The following ATM variants were observed in gnomAD, a reference collection of about 807,000 sequenced individuals.
The protein encoded by ATM is ATM serine/threonine kinase.
In ATM, 308 loss-of-function variants were observed where a neutral mutation model predicts 387.0. The observed-to-expected ratio is 0.80, with a 90% CI of 0.73 to 0.87. ATM has a LOEUF of 0.87. Among genes scored for constraint, ATM ranks in the 40% least tolerant of loss-of-function variants. ATM has a pLI of 0.00. For synonymous variants in ATM, 1,156 were observed against 1,187.3 expected (o/e 0.97, Z 0.54); for missense variants, 3,312 against 3,560.9 (o/e 0.93, Z 1.78).
intron 18 of ATM, among the ~76,000 whole-genome samples, chr11:108,270,764 C>T (rs1392045478): frequency 4.6e-5 from 7 of 152,204 alleles, no homozygotes; most frequent in African/African-American, 9.6e-5. Flanking sequence ...GGCGCGATCT[C>T]GGCTCACTGC....
At chr11:108,243,286 G>C (rs896890089) in intron 5 of ATM, among the ~76,000 whole-genome samples, 1 of 151,858 alleles carries the variant, frequency 6.6e-6, no homozygotes, top group African/African-American at 2.4e-5. Context: ...CACATTTTTT[G>C]CATATTATTA....
chr11:108,330,265 T>G lies in ATM; in HGVS notation c.7359T>G (p.Arg2453=), dbSNP rs786201541. The change falls in exon 50 of 63, where the codon CGT becomes CGG. Residue 2453 remains arginine (R), a synonymous_variant. Transcript: ENST00000675843. ...TGGAGTTGGATGAATTAGCCCTGCG[T>G]GCACTGAAAGAGGATCGTAAACGCT... ...RELELDELAL[R]ALKEDRKRFL... 32 of 1,614,090 alleles carry G rather than the reference T, an allele frequency of 2.0e-5. No homozygotes were observed. The highest frequency in any genetic ancestry group is 2.7e-5 in the Non-Finnish European group (32 of 1,180,020).
intron 16 of ATM, among the ~76,000 whole-genome samples, chr11:108,261,512 A>C (rs1419363932): frequency 6.6e-6 from 1 of 152,154 alleles, no homozygotes; most frequent in Non-Finnish European, 1.5e-5. Flanking sequence ...CCAAAAGTAG[A>C]TAAAACCACA....
chr11:108,301,611 T>A, intron 34 of ATM, 37 bp from the exon 35 acceptor site: 1 of 1,612,588 alleles, frequency 6.2e-7, no homozygotes, highest in Non-Finnish European at 8.5e-7. Flanking sequence ...GATTAATAAC[T>A]GGTGTACTTG....
At position 108,267,231 on chromosome 11, in the gene ATM, A is replaced by G. The variant is rs1162447958; in HGVS notation, c.2527A>G (p.Asn843Asp). 7.4e-6 allele frequency: 12 copies of G among 1,613,994 alleles called. No homozygotes were observed. In the Admixed American group the frequency reaches 2.0e-4, roughly 27 times the overall value. ...AGTAGAATCAATGGAAGATGATACT[A>G]ATGGAAATCTAATGGAGGTGGAGGA... Reference protein sequence around the residue: ...GEVESMEDDTNGNLMEVEDQS... With the variant: ...GEVESMEDDTDGNLMEVEDQS... Residue 843 changes from asparagine to aspartate, a missense_variant, in exon 17 of 63, where the codon AAT becomes GAT. Around this residue, in one of 4 missense-constraint regions of ATM, gnomAD observed 1,791 missense variants for 1,804.5 expected, o/e 0.99. Coordinates refer to ENST00000675843, the MANE Select transcript of ATM (RefSeq NM_000051.4).
At chr11:108,360,153 G>C (rs2090541231) in intron 61 of ATM, among the ~76,000 whole-genome samples, 1 of 150,426 alleles carries the variant, frequency 6.6e-6, no homozygotes, top group African/African-American at 2.4e-5. Context: ...TACCATCAGA[G>C]AATACTACAA....
chr11:108,276,469 T>C (rs1316806102), intron 22 of ATM, among the ~76,000 whole-genome samples: 1 of 152,258 alleles, frequency 6.6e-6, no homozygotes, highest in Non-Finnish European at 1.5e-5. Context: ...TCAGCCCTTT[T>C]GCGCTGGTTT....
At position 108,252,372 on chromosome 11, in the gene ATM, T is replaced by A. The variant is rs1204374574; in HGVS notation, c.1802+341T>A. 2.6e-5 allele frequency among the ~76,000 whole-genome samples: 4 copies of A among 152,192 alleles called. No homozygotes were observed. The South Asian group carries it at 8.3e-4, about 32-fold the overall frequency. On this transcript the variant is annotated intron_variant, in intron 11 of 62. Transcript: ENST00000675843. ...CCTGGATCCTTTCTCATAATGGGAG[T>A]GTCTTTTGGGTAAAAGATGTTTTAT...
intron 61 of ATM, among the ~76,000 whole-genome samples, chr11:108,358,215 T>A (rs1447325801): frequency 6.6e-6 from 1 of 150,578 alleles, no homozygotes; most frequent in African/African-American, 2.5e-5. Flanking sequence ...ATGAAATGAA[T>A]GAAATGAAGC....
chr11:108,263,478 T>A, intron 16 of ATM, among the ~76,000 whole-genome samples: 1 of 116,340 alleles, frequency 8.6e-6, no homozygotes, highest in East Asian at 2.4e-4. Flanking sequence ...TGGGACGCAT[T>A]CAAAGCAGTG....
At chr11:108,317,141 G>A (rs1223260862) in intron 42 of ATM, among the ~76,000 whole-genome samples, 1 of 150,654 alleles carries the variant, frequency 6.6e-6, no homozygotes, top group East Asian at 2.0e-4. Flanking sequence ...GTCTTGGTTT[G>A]TTGTCCAGGC....
chr11:108,247,019 A>G lies in ATM; in HGVS notation c.957A>G (p.Leu319=), dbSNP rs1060501542. 6.2e-7 allele frequency: 1 copy of G among 1,613,132 alleles called. No individual in the cohort carries two copies. The highest frequency in any genetic ancestry group is 1.3e-5 in the African/African-American group (1 of 75,030). The change falls in exon 8 of 63, where the codon CTA becomes CTG. Residue 319 remains leucine, a synonymous_variant. Coordinates refer to ENST00000675843, the MANE Select transcript of ATM (RefSeq NM_000051.4). ...RSILYNLYDL[L]VNEISHIGSR... The stretch of plus-strand genomic sequence containing the variant: ...TTTTATACAACTTATATGATCTGCT[A>G]GTGAATGAGATAAGTCATATAGGAA...
At position 108,331,613 on chromosome 11, in the gene ATM, A is replaced by G. The variant is rs778741313; in HGVS notation, c.7629+56A>G. Reference sequence around the variant, plus strand: ...ATTATTTTTATTCTATTATTACTATATATTATATAAAGTATATATACCATT... The same window carrying G: ...ATTATTTTTATTCTATTATTACTATGTATTATATAAAGTATATATACCATT... On this transcript the variant is annotated intron_variant, in intron 51 of 62. Coordinates refer to ENST00000675843, the MANE Select transcript of ATM (RefSeq NM_000051.4). 8 of 1,429,496 alleles carry G rather than the reference A, an allele frequency of 5.6e-6. No homozygotes were observed. The South Asian group carries it at 1.2e-4, about 22-fold the overall frequency. 88.6% of individuals were successfully genotyped at this position (1,429,496 alleles called of 1,614,324 possible).
At chr11:108,300,487 T>C (rs2083368869) in intron 34 of ATM, among the ~76,000 whole-genome samples, 1 of 152,208 alleles carries the variant, frequency 6.6e-6, no homozygotes, top group Non-Finnish European at 1.5e-5. Flanking sequence ...ATCACCACCA[T>C]ATTTGATGGT....
At chr11:108,290,354 G>A (rs898397098) in intron 29 of ATM, 2 of 152,036 alleles carry the variant, frequency 1.3e-5, no homozygotes. Context: ...GGCAAGGTGT[G>A]GTAGCTCACA....
chr11:108,300,878 C>CTTTT (rs11305754), intron 34 of ATM, among the ~76,000 whole-genome samples: 30 of 102,670 alleles, frequency 2.9e-4, no homozygotes, highest in African/African-American at 5.1e-4. Flanking sequence ...TCATCTCTCT[C>CTTTT]TTTTTTTTTT....
chr11:108,335,353 G>GT, intron 55 of ATM: 1 of 1,221,774 alleles, frequency 8.2e-7, no homozygotes, highest in Non-Finnish European at 1.1e-6. Flanking sequence ...AACATGTACA[G>GT]ACATGTACAG....
Position 108,365,693 on chromosome 11 carries a change from A to G in ATM, c.*185A>G. On this transcript the variant is annotated 3_prime_UTR_variant, in exon 63 of 63. Coordinates refer to ENST00000675843, the MANE Select transcript of ATM (RefSeq NM_000051.4). Reference sequence around the variant, plus strand: ...AAAAATGTTTTGATGGTCTTAAGGAACATCTCTGCTTTCACTCTTTAGAAA... The same window carrying G: ...AAAAATGTTTTGATGGTCTTAAGGAGCATCTCTGCTTTCACTCTTTAGAAA... The G allele has an allele frequency of 1.3e-6, 1 of 746,650 alleles. No individual in the cohort carries two copies. The highest frequency in any genetic ancestry group is 1.9e-5 in the South Asian group (1 of 52,842). 46.3% of individuals were successfully genotyped at this position (746,650 alleles called of 1,614,324 possible). A position where few individuals can be genotyped will look rare whatever the true frequency, so the allele number is the denominator to read the frequency against.
intron 45 of ATM, among the ~76,000 whole-genome samples, chr11:108,324,982 T>C (rs938232162): frequency 1.3e-5 from 2 of 152,204 alleles, no homozygotes; most frequent in African/African-American, 4.8e-5. Flanking sequence ...AGGCATTCTT[T>C]ATGATAGGTC....
Sources: gnomAD v4.1 joint callset for allele counts (sites outside exome capture counted in the v4.1 genomes callset) on GRCh38, gnomAD v4.1.1 for gene constraint, gnomAD v4.1.1 regional missense constraint, MANE v1.5 for transcripts, NCBI Gene and HGNC (gene_info 2026-07-23, HGNC 2026-07-21) for gene names.